Variants in ITGA1 observed in about 807,000 individuals in gnomAD.
ITGA1 encodes the protein integrin subunit alpha 1, also known as integrin alpha-1.
A neutral mutation model predicts 145.9 loss-of-function variants in ITGA1; 85 were observed. The observed-to-expected ratio is 0.58, with a 90% confidence interval of 0.49 to 0.70. The LOEUF (loss-of-function observed/expected upper bound fraction) is 0.70, where lower values mean the gene tolerates loss of function less well. Among genes scored for constraint, ITGA1 ranks in the 30% least tolerant of loss-of-function variants. The pLI, the probability that ITGA1 is intolerant of heterozygous loss-of-function variation, is 0.00. For synonymous variants in ITGA1, 520 were observed against 495.3 expected, an observed-to-expected ratio of 1.05 and a Z score of -0.66; for missense variants, 1,351 against 1,418.7, an observed-to-expected ratio of 0.95 and a Z score of 0.77.
intron 1 of ITGA1, among the ~76,000 whole-genome samples, chr5:52,832,284 G>A (rs1749083747): frequency 6.6e-6 from 1 of 152,068 alleles, no homozygotes; most frequent in Non-Finnish European, 1.5e-5. Flanking sequence ...TTAATCAACG[G>A]TGGCCAAGAG....
intron 1 of ITGA1, chr5:52,801,482 C>G: frequency 6.2e-7 from 1 of 1,614,056 alleles, no homozygotes; most frequent in Non-Finnish European, 8.5e-7. Context: ...AGCCGCCTTT[C>G]AGACACTAAA....
intron 23 of ITGA1, 89 bp from the exon 24 acceptor site, chr5:52,937,312 T>G (rs1405905443): frequency 2.4e-6 from 2 of 822,204 alleles, no homozygotes; most frequent in Admixed American, 3.8e-5. Flanking sequence ...CACAATTTAC[T>G]TCATCAGCTA....
chr5:52,953,477 G>A lies in ITGA1; in HGVS notation c.*1026G>A, dbSNP rs574089851. 5.3e-5 allele frequency: 8 copies of A among 152,262 alleles called. No individual in the cohort carries two copies. The South Asian group carries it at 1.7e-3, about 32-fold the overall frequency. The allele number at this position is 152,262 out of a possible 1,614,324, so 9.4% of individuals were successfully genotyped here. A position where few individuals can be genotyped will look rare whatever the true frequency, so the allele number is the denominator to read the frequency against. On this transcript the variant is annotated 3_prime_UTR_variant, in exon 29 of 29. Transcript: ENST00000282588. ...GTGTTTATTTTTAATTTTTTAAAAGGTATTTAATTTCCAACCACACTTCTT... is the reference window on the plus strand; with the variant it reads ...GTGTTTATTTTTAATTTTTTAAAAGATATTTAATTTCCAACCACACTTCTT...
chr5:52,849,568 A>G, intron 2 of ITGA1, 83 bp downstream of exon 2: 1 of 1,200,318 alleles, frequency 8.3e-7, no homozygotes. Context: ...TTCTTTTATG[A>G]ATGAAACTTT....
intron 16 of ITGA1, among the ~76,000 whole-genome samples, 165 bp downstream of exon 16, chr5:52,919,063 G>A (rs1480807461): frequency 6.6e-5 from 10 of 152,130 alleles, no homozygotes; most frequent in Non-Finnish European, 1.3e-4. Flanking sequence ...GTTGCAAAAG[G>A]AATAGGTTAT....
intron 21 of ITGA1, among the ~76,000 whole-genome samples, chr5:52,930,024 CTT>C (rs1384319021): frequency 6.6e-6 from 1 of 152,080 alleles, no homozygotes; most frequent in African/African-American, 2.4e-5. Flanking sequence ...AATTTAAAAA[CTT>C]TCACTGGCTG....
At chr5:52,863,033 CTGTCT>C (rs1749632161) in intron 3 of ITGA1, among the ~76,000 whole-genome samples, 1 of 152,064 alleles carries the variant, frequency 6.6e-6, no homozygotes, top group Admixed American at 6.6e-5. Context: ...TCACATTTTC[CTGTCT>C]TGTCTTGTAA....
chr5:52,910,916 C>G (rs1023302941), intron 14 of ITGA1, among the ~76,000 whole-genome samples: 1 of 135,202 alleles, frequency 7.4e-6, no homozygotes, highest in South Asian at 2.3e-4. Context: ...GGTATGTATA[C>G]TATATATAGT....
chr5:52,846,391 A>C (rs1749338329), intron 1 of ITGA1, among the ~76,000 whole-genome samples: 1 of 152,204 alleles, frequency 6.6e-6, no homozygotes, highest in Non-Finnish European at 1.5e-5. Context: ...CAACAGAGTG[A>C]GGCTCAGCCT....
chr5:52,865,918 A>G (rs777611771), intron 6 of ITGA1, 101 bp downstream of exon 6: 212 of 915,850 alleles, frequency 2.3e-4, no homozygotes, highest in Non-Finnish European at 3.1e-4. Context: ...CAATAAAACT[A>G]AAGTTGAGAA....
intron 1 of ITGA1, among the ~76,000 whole-genome samples, chr5:52,822,527 G>T (rs908832706): frequency 2.6e-5 from 4 of 152,192 alleles, no homozygotes; most frequent in Admixed American, 2.0e-4. Context: ...TGGAGGCTGA[G>T]TATCCGGACT....
At chr5:52,806,714 C>T (rs1580035303) in intron 1 of ITGA1, among the ~76,000 whole-genome samples, 2 of 152,006 alleles carry the variant, frequency 1.3e-5, no homozygotes, top group African/African-American at 4.8e-5. Context: ...TTTAATATCT[C>T]TATTTTCAGT....
rs773610010 is a variant in ITGA1, at chr5:52,939,827, G to C, written c.3181-13G>C. ...GCAAGAATACTGATATGTATCTCTG[G>C]ACATTTAAACAGGACTGCAATACAT... On this transcript the variant is annotated splice_polypyrimidine_tract_variant and intron_variant, in intron 25 of 28. Transcript: ENST00000282588. 1 of 1,548,396 alleles carries C rather than the reference G, an allele frequency of 6.5e-7. No individual in the cohort carries two copies. The highest frequency in any genetic ancestry group is 8.9e-7 in the Non-Finnish European group (1 of 1,120,294).
At chr5:52,833,023 CT>C (rs1749100403) in intron 1 of ITGA1, among the ~76,000 whole-genome samples, 1 of 151,808 alleles carries the variant, frequency 6.6e-6, no homozygotes, top group Non-Finnish European at 1.5e-5. Context: ...GAAAACCCAT[CT>C]CTACTAAAAA....
chr5:52,893,922 A>G, intron 9 of ITGA1, 82 bp downstream of exon 9: 1 of 1,065,356 alleles, frequency 9.4e-7, no homozygotes, highest in Non-Finnish European at 1.4e-6. Flanking sequence ...TATTCCTAAT[A>G]CATCAGTAAT....
intron 1 of ITGA1, among the ~76,000 whole-genome samples, chr5:52,825,680 A>G (rs2456195): frequency 0.52 from 79,285 of 151,838 alleles, 20,992 homozygotes; most frequent in Middle Eastern, 0.68. Flanking sequence ...AGCACTTTGG[A>G]AGGCCAACAC....
intron 1 of ITGA1, among the ~76,000 whole-genome samples, chr5:52,831,901 AT>A: frequency 6.6e-6 from 1 of 152,272 alleles, no homozygotes; most frequent in South Asian, 2.1e-4. Context: ...CCTTTTAAGA[AT>A]TTTAAGAGCT....
chr5:52,894,690 C>CTT (rs1244530242), intron 9 of ITGA1, among the ~76,000 whole-genome samples: 11 of 152,112 alleles, frequency 7.2e-5, no homozygotes, highest in Admixed American at 2.0e-4. Context: ...CCAGTTGACC[C>CTT]TGTCCTTGTG....
At chr5:52,845,222 G>T (rs1749313912) in intron 1 of ITGA1, among the ~76,000 whole-genome samples, 1 of 152,152 alleles carries the variant, frequency 6.6e-6, no homozygotes, top group Admixed American at 6.5e-5. Flanking sequence ...TATTAAAGAT[G>T]ATGACATGCT....
Sources: allele counts gnomAD v4.1 joint callset (sites outside exome capture counted in the v4.1 genomes callset), GRCh38; gene constraint gnomAD v4.1.1; transcripts MANE v1.5; gene names NCBI Gene and HGNC (gene_info 2026-07-23, HGNC 2026-07-21).